PPP1R16B: variants seen among roughly 807,000 people sequenced by gnomAD.
PPP1R16B encodes the protein protein phosphatase 1 regulatory inhibitor subunit 16B.
In PPP1R16B, 14 loss-of-function variants were observed where a neutral mutation model predicts 61.7. The ratio of observed to expected loss-of-function variants is 0.23; its 90% CI spans 0.15 to 0.35. PPP1R16B has a LOEUF of 0.35. Among genes scored for constraint, PPP1R16B ranks in the 10% least tolerant of loss-of-function variants. The pLI is 1.00. For missense variants in PPP1R16B, 547 were observed against 752.5 expected (o/e 0.73, Z 3.19); for synonymous variants, 266 against 305.3 (o/e 0.87, Z 1.34).
rs373139920 is a variant in PPP1R16B, at chr20:38,907,773, C to T, written c.899-33C>T. Reference sequence around the variant, plus strand: ...CCTCTTGCGCCACAGGTCCTGGCCCCGTCCCCCACAACAGACTCCTCTGCC... The same window carrying T: ...CCTCTTGCGCCACAGGTCCTGGCCCTGTCCCCCACAACAGACTCCTCTGCC... On this transcript the variant is annotated intron_variant, in intron 8 of 10. Coordinates refer to ENST00000299824, the MANE Select transcript of PPP1R16B (RefSeq NM_015568.4). The surrounding 1 kb of genome is among the most constrained non-coding windows in gnomAD (Gnocchi z 4.5). 61 of 1,612,366 alleles carry T rather than the reference C, an allele frequency of 3.8e-5. No homozygotes were observed. Among genetic ancestry groups the T allele is most frequent in the Admixed American group, 6.7e-5 (4 of 59,956 alleles).
At chr20:38,848,341 G>T (rs6028162) in intron 2 of PPP1R16B, among the ~76,000 whole-genome samples, 109,446 of 152,004 alleles carry the variant, frequency 0.72, 40,011 homozygotes, top group African/African-American at 0.85. Flanking sequence ...CAAAGCATCA[G>T]CAATTGTCCC....
rs1287164998 is a variant in PPP1R16B at position 38,907,121 on chromosome 20, GAAATAGAT to G, written c.898+73_898+80del. On this transcript the variant is annotated intron_variant, in intron 8 of 10. Transcript: ENST00000299824. The surrounding 1 kb of genome is among the most constrained non-coding windows in gnomAD (Gnocchi z 4.5). ...ATCAATGTTTTGATGGGTAGAGGGA[GAAATAGAT>G]AAATATATGGTTGTATAGATTGATG... is the stretch of plus-strand genomic sequence containing the variant. 4.0e-6 allele frequency: 5 copies of G among 1,252,482 alleles called. No homozygotes were observed. Among genetic ancestry groups the G allele is most frequent in the Non-Finnish European group, 5.9e-6 (5 of 852,340 alleles). 77.6% of individuals were successfully genotyped at this position (1,252,482 alleles called of 1,614,324 possible). A position where few individuals can be genotyped will look rare whatever the true frequency, so the allele number is the denominator to read the frequency against.
At position 38,896,169 on chromosome 20, in the gene PPP1R16B, TCC is replaced by T. The variant is rs1433185387; in HGVS notation, c.467+460_467+461del. 3.6e-3 allele frequency among the ~76,000 whole-genome samples: 339 copies of T among 92,888 alleles called. 9 individuals carry two copies. Among genetic ancestry groups the T allele is most frequent in the African/African-American group, 0.016 (321 of 19,652 alleles). The allele number at this position is 92,888 out of a possible 152,430, so 60.9% of individuals were successfully genotyped here. Reference sequence around the variant, plus strand: ...CTTCTTTCTTCCTCCCTCCCTTCCTTCCTTCTTTCTTCCCTCCCTTCCTTCTT... The same window carrying T: ...CTTCTTTCTTCCTCCCTCCCTTCCTTTTCTTTCTTCCCTCCCTTCCTTCTT... On this transcript the variant is annotated intron_variant, in intron 4 of 10. Coordinates refer to ENST00000299824, the MANE Select transcript of PPP1R16B (RefSeq NM_015568.4).
At chr20:38,812,292 C>A (rs1386500291) in intron 1 of PPP1R16B, among the ~76,000 whole-genome samples, 1 of 152,236 alleles carries the variant, frequency 6.6e-6, no homozygotes, top group Non-Finnish European at 1.5e-5. Context: ...AGCATAGGTG[C>A]TGTCAGCTGG....
chr20:38,846,956 T>G (rs896113457), intron 2 of PPP1R16B, among the ~76,000 whole-genome samples: 1 of 152,348 alleles, frequency 6.6e-6, no homozygotes, highest in East Asian at 1.9e-4. Flanking sequence ...AAGCTGTGAT[T>G]GTGCCACTGC....
rs139185525 is a variant in PPP1R16B at position 38,854,751 on chromosome 20, T to C, written c.250+18576T>C. ...GGGAGTGGGTCACCGTGCAGATTCA[T>C]GGAAATAAAGGATAGACAGTGGACA... On this transcript the variant is annotated intron_variant, in intron 2 of 10. Coordinates refer to ENST00000299824, the MANE Select transcript of PPP1R16B (RefSeq NM_015568.4). 2.3e-3 allele frequency among the ~76,000 whole-genome samples: 349 copies of C among 152,294 alleles called. 1 individual carries two copies. Among genetic ancestry groups the C allele is most frequent in the African/African-American group, 7.8e-3 (326 of 41,568 alleles).
chr20:38,880,170 T>G (rs545186010), intron 2 of PPP1R16B, among the ~76,000 whole-genome samples: 1 of 152,256 alleles, frequency 6.6e-6, no homozygotes, highest in East Asian at 1.9e-4. Flanking sequence ...CTCCAGAACT[T>G]TAGTGTCGTA....
chr20:38,908,364 G>A (rs1430253363), intron 10 of PPP1R16B, among the ~76,000 whole-genome samples, 171 bp downstream of exon 10: 2 of 152,240 alleles, frequency 1.3e-5, no homozygotes, highest in Non-Finnish European at 2.9e-5. Context: ...TAAACCAGCA[G>A]ATTCAGTCTG....
chr20:38,880,443 G>T (rs1473125480), intron 2 of PPP1R16B, among the ~76,000 whole-genome samples: 1 of 152,186 alleles, frequency 6.6e-6, no homozygotes, highest in Non-Finnish European at 1.5e-5. Context: ...GAGGCAGGAG[G>T]ATCACTTGAG....
intron 2 of PPP1R16B, among the ~76,000 whole-genome samples, chr20:38,855,937 T>G (rs375619911): frequency 0.12 from 4,326 of 37,176 alleles, 212 homozygotes; most frequent in Non-Finnish European, 0.15. Context: ...TATATATATA[T>G]ATATATAGAG....
At chr20:38,865,569 G>A (rs148315103) in intron 2 of PPP1R16B, among the ~76,000 whole-genome samples, 4,126 of 152,190 alleles carry the variant, frequency 0.027, 156 homozygotes, top group East Asian at 0.11. Context: ...GGGATTACAG[G>A]CGTGAGCCGC....
At chr20:38,830,765 G>T (rs1003263598) in intron 1 of PPP1R16B, among the ~76,000 whole-genome samples, 1 of 152,206 alleles carries the variant, frequency 6.6e-6, no homozygotes, top group Non-Finnish European at 1.5e-5. Flanking sequence ...TCCATGTTAC[G>T]TCAAGGCTTG....
intron 1 of PPP1R16B, among the ~76,000 whole-genome samples, chr20:38,831,717 C>A (rs565565002): frequency 6.6e-6 from 1 of 152,168 alleles, no homozygotes; most frequent in Non-Finnish European, 1.5e-5. Flanking sequence ...GAAAAGCAGA[C>A]CCCCCGATGT....
intron 4 of PPP1R16B, among the ~76,000 whole-genome samples, chr20:38,896,544 GTC>G (rs746273595): frequency 6.6e-6 from 1 of 151,378 alleles, no homozygotes; most frequent in Non-Finnish European, 1.5e-5. Flanking sequence ...GTATTTTCCA[GTC>G]TCTTTTTATT....
intron 10 of PPP1R16B, among the ~76,000 whole-genome samples, chr20:38,910,153 AT>A (rs1179936820): frequency 6.6e-6 from 1 of 151,824 alleles, no homozygotes; most frequent in Non-Finnish European, 1.5e-5. Context: ...GGATTTTTGT[AT>A]TTTTAGTAGA....
chr20:38,858,077 G>A (rs1454169420), intron 2 of PPP1R16B, among the ~76,000 whole-genome samples: 1 of 152,084 alleles, frequency 6.6e-6, no homozygotes, highest in Non-Finnish European at 1.5e-5. Flanking sequence ...GTGGTGGTTT[G>A]GGGGAAAGGA....
chr20:38,846,201 TATGTGAGTCTGGAGCTCAGGGG>T (rs1383320422), intron 2 of PPP1R16B, among the ~76,000 whole-genome samples: 1 of 152,156 alleles, frequency 6.6e-6, no homozygotes, highest in Non-Finnish European at 1.5e-5. Context: ...GGCAGATGAA[TATGTGAGTCTGGAGCTCAGGGG>T]AGATATCAGG....
chr20:38,916,109 TA>T (rs2085536404), intron 10 of PPP1R16B, among the ~76,000 whole-genome samples: 1 of 147,624 alleles, frequency 6.8e-6, no homozygotes, highest in Non-Finnish European at 1.5e-5. Context: ...CTCATGCCTG[TA>T]ATCCCAGTGC....
chr20:38,813,767 C>CATCATTATTATT (rs1187115840), intron 1 of PPP1R16B, among the ~76,000 whole-genome samples: 1 of 132,062 alleles, frequency 7.6e-6, no homozygotes, highest in East Asian at 2.1e-4. Context: ...TCATCATCAT[C>CATCATTATTATT]ATTATTATTA....
Sources: allele counts gnomAD v4.1 joint callset (sites outside exome capture counted in the v4.1 genomes callset), GRCh38; gene constraint gnomAD v4.1.1; non-coding constraint Gnocchi (gnomAD v3.1); transcripts MANE v1.5; gene names NCBI Gene and HGNC (gene_info 2026-07-23, HGNC 2026-07-21).